Variants in EP400 observed in about 807,000 individuals in gnomAD.
EP400 encodes the protein E1A binding protein p400, also known as E1A-binding protein p400.
EP400 carries 105 observed loss-of-function variants against 354.1 expected under a neutral mutation model. The observed-to-expected ratio is 0.30, with a 90% CI of 0.25 to 0.35. The LOEUF (loss-of-function observed/expected upper bound fraction) is 0.35. Ranked by LOEUF, EP400 falls within the 10% of genes least tolerant of loss-of-function variation. The pLI is 1.00. For synonymous variants in EP400, 1,646 were observed against 1,716.9 expected, an observed-to-expected ratio of 0.96 and a Z score of 1.02; for missense variants, 3,280 against 4,121.0, an observed-to-expected ratio of 0.80 and a Z score of 5.59.
At chr12:131,956,981 C>T (rs1191643599) in intron 1 of EP400, among the ~76,000 whole-genome samples, 1 of 149,856 alleles carries the variant, frequency 6.7e-6, no homozygotes, top group Non-Finnish European at 1.5e-5. Flanking sequence ...AAGCAATTCT[C>T]CTGCCTCAGC....
rs149486536 is a variant in EP400, at chr12:132,017,162, C to T, written c.3924-373C>T. ...CCTGCAGGGCCAGTGTAGGACCAGG[C>T]GTCAGAGCTGCCGAGCGGGTGTGTG... On this transcript the variant is annotated intron_variant, in intron 19 of 52. Coordinates refer to ENST00000389561, the MANE Select transcript of EP400 (RefSeq NM_015409.5). The surrounding 1 kb of genome is among the most constrained non-coding windows in gnomAD (Gnocchi z 5.0). Among the ~76,000 whole-genome samples, 120 of 150,278 alleles carry T rather than the reference C, an allele frequency of 8.0e-4. 1 individual carries two copies. Among genetic ancestry groups the T allele is most frequent in the African/African-American group, 2.7e-3 (108 of 39,720 alleles).
chr12:131,967,411 G>A (rs1892138593), intron 2 of EP400, among the ~76,000 whole-genome samples: 1 of 151,002 alleles, frequency 6.6e-6, no homozygotes, highest in African/African-American at 2.4e-5. Context: ...AAAAAGGCTG[G>A]GCACAGTGGC....
rs1212177217 is a variant in EP400, at chr12:132,067,095, T to C, written c.8749+126T>C. 10 of 1,284,112 alleles carry C rather than the reference T, an allele frequency of 7.8e-6. No individual in the cohort carries two copies. Among genetic ancestry groups the C allele is most frequent in the Non-Finnish European group, 1.0e-5 (10 of 963,114 alleles). The allele number at this position is 1,284,112 out of a possible 1,614,324, so 79.5% of individuals were successfully genotyped here. A position where few individuals can be genotyped will look rare whatever the true frequency, so the allele number is the denominator to read the frequency against. On this transcript the variant is annotated intron_variant, in intron 49 of 52. Transcript: ENST00000389561. This position sits in a 1 kb window ranked among gnomAD's most constrained non-coding sequence, Gnocchi z 5.3. ...CCACCCACTTGAGCGTGCCATCACG[T>C]GTTCTAGCACAAACGTGCCTTGGCG...
intron 2 of EP400, among the ~76,000 whole-genome samples, chr12:131,979,493 C>T (rs892395108): frequency 3.3e-5 from 5 of 151,974 alleles, no homozygotes; most frequent in Admixed American, 2.0e-4. Flanking sequence ...GTCTTTTTTC[C>T]CCCAGAGGTA....
rs530107978 is a variant in EP400 at position 131,986,645 on chromosome 12, A to T, written c.2061A>T (p.Pro687=). ...GPGPSPARSS[P]VNRPSSATNK... ...GACCCTCCCCTGCTCGATCCTCTCCAGTAAATAGACCTTCCTCAGCCACCA... is the reference window on the plus strand; with the variant it reads ...GACCCTCCCCTGCTCGATCCTCTCCTGTAAATAGACCTTCCTCAGCCACCA... Residue 687 remains proline (P), a synonymous_variant, in exon 6 of 53, where the codon CCA becomes CCT. Coordinates refer to ENST00000389561, the MANE Select transcript of EP400 (RefSeq NM_015409.5). The T allele has an allele frequency of 3.1e-6, 5 of 1,613,902 alleles. No individual in the cohort carries two copies. In the South Asian group the frequency reaches 3.3e-5, roughly 11 times the overall value.
chr12:132,010,231 C>T (rs1188462586), intron 15 of EP400, among the ~76,000 whole-genome samples: 4 of 151,030 alleles, frequency 2.6e-5, no homozygotes, highest in African/African-American at 4.9e-5. Flanking sequence ...GGATTACAGG[C>T]ACACGCCACC....
At chr12:132,010,653 G>A (rs1893733964) in intron 15 of EP400, among the ~76,000 whole-genome samples, 1 of 152,190 alleles carries the variant, frequency 6.6e-6, no homozygotes, top group Non-Finnish European at 1.5e-5. Flanking sequence ...AAAAACCTTA[G>A]TTTTCTCGCC....
At position 132,025,771 on chromosome 12, in the gene EP400, G is replaced by A. The variant is rs1177242209; in HGVS notation, c.4981G>A (p.Gly1661Ser). 12 of 1,611,220 alleles carry A rather than the reference G, an allele frequency of 7.4e-6. No homozygotes were observed. The highest frequency in any genetic ancestry group is 1.7e-5 in the Admixed American group (1 of 59,714). ...CGCCCTGGGAAGCAAGCCCCCGGCC[G>A]GCGGTCCCAGCCCTGCACCCTTGAC... ...HGALGSKPPA[G>S]GPSPAPLTPQ... Residue 1661 changes from glycine to serine, a missense_variant, in exon 25 of 53, where the codon GGC becomes AGC. By Grantham distance (56) the Gly-to-Ser change is moderately conservative. This residue lies in a region of EP400 where 459 missense variants were observed against 496.9 expected (regional missense o/e 0.92). Coordinates refer to ENST00000389561, the MANE Select transcript of EP400 (RefSeq NM_015409.5). This position sits in a 1 kb window ranked among gnomAD's most constrained non-coding sequence, Gnocchi z 4.1.
intron 1 of EP400, among the ~76,000 whole-genome samples, chr12:131,955,289 G>A (rs1452071597): frequency 6.9e-6 from 1 of 145,954 alleles, no homozygotes; most frequent in African/African-American, 2.8e-5. Context: ...AAAAGTTTAT[G>A]CTTTTTTTTT....
Position 132,054,043 on chromosome 12 carries a change from C to T in EP400, c.7728+446C>T, listed in dbSNP as rs1408546295. ...GTCTTTAATGCCTGTTGTAGAAAAGCTGTAAAGCACACAAGAAGCATTGTG... is the reference window on the plus strand; with the variant it reads ...GTCTTTAATGCCTGTTGTAGAAAAGTTGTAAAGCACACAAGAAGCATTGTG... On this transcript the variant is annotated intron_variant, in intron 43 of 52. Coordinates refer to ENST00000389561, the MANE Select transcript of EP400 (RefSeq NM_015409.5). The surrounding 1 kb of genome is among the most constrained non-coding windows in gnomAD (Gnocchi z 4.0). Among the ~76,000 whole-genome samples the T allele has an allele frequency of 6.6e-6, 1 of 152,220 alleles. No individual in the cohort carries two copies. Among genetic ancestry groups the T allele is most frequent in the Non-Finnish European group, 1.5e-5 (1 of 68,042 alleles).
chr12:132,019,021 T>C (rs1894032889), intron 21 of EP400, among the ~76,000 whole-genome samples: 1 of 152,178 alleles, frequency 6.6e-6, no homozygotes, highest in Non-Finnish European at 1.5e-5. Flanking sequence ...CACTTCTGTA[T>C]TTGGCTTCAC....
At chr12:131,987,443 T>C (rs1327189842) in intron 6 of EP400, among the ~76,000 whole-genome samples, 1 of 152,164 alleles carries the variant, frequency 6.6e-6, no homozygotes, top group African/African-American at 2.4e-5. Flanking sequence ...TTAGTCTGTT[T>C]TATAGAGCTG....
chr12:132,044,316 C>T lies in EP400; in HGVS notation c.6585+5C>T, dbSNP rs939621471. On this transcript the variant is annotated splice_donor_5th_base_variant and intron_variant, in intron 35 of 52. Coordinates refer to ENST00000389561, the MANE Select transcript of EP400 (RefSeq NM_015409.5). ...CGAGAGGATGCCTACAGCATGGTAC[C>T]CGGCCCGGGGCCCTCCTGCCCTCTT... 3.0e-5 allele frequency: 49 copies of T among 1,611,494 alleles called. No individual in the cohort carries two copies. Among genetic ancestry groups the T allele is most frequent in the Non-Finnish European group, 3.8e-5 (45 of 1,178,540 alleles).
Position 131,961,682 on chromosome 12 carries a change from C to G in EP400, c.1063C>G (p.Pro355Ala). ...KKVPKKLEEI[P>A]PASPEMAQMR... ...GGTTCCCAAGAAGTTAGAGGAGATTCCCCCAGCCTCTCCGGAGATGGCACA... is the reference window on the plus strand; with the variant it reads ...GGTTCCCAAGAAGTTAGAGGAGATTGCCCCAGCCTCTCCGGAGATGGCACA... Residue 355 changes from proline to alanine, a missense_variant, in exon 2 of 53, where the codon CCC becomes GCC. By Grantham distance (27) the Pro-to-Ala change is conservative. Around this residue, in one of 20 missense-constraint regions of EP400, gnomAD observed 85 missense variants for 180.3 expected, o/e 0.47. Transcript: ENST00000389561. 6.2e-7 allele frequency: 1 copy of G among 1,613,496 alleles called. No individual in the cohort carries two copies. Among genetic ancestry groups the G allele is most frequent in the Non-Finnish European group, 8.5e-7 (1 of 1,179,686 alleles).
chr12:131,957,859 G>A (rs949392559), intron 1 of EP400, among the ~76,000 whole-genome samples: 1 of 152,164 alleles, frequency 6.6e-6, no homozygotes, highest in African/African-American at 2.4e-5. Context: ...GCCTCCCAAA[G>A]TGCTGGGATT....
rs1894401178 is a variant in EP400 at position 132,029,160 on chromosome 12, C to T, written c.5382-541C>T. ...GGTGACCATTCGTTCAGTTTGAATA[C>T]AGCTGGGAGTGAGTCATAGTTGATG... is the stretch of plus-strand genomic sequence containing the variant. On this transcript the variant is annotated intron_variant, in intron 27 of 52. Transcript: ENST00000389561. This position sits in a 1 kb window ranked among gnomAD's most constrained non-coding sequence, Gnocchi z 4.7. 1 of 156,466 alleles carries T rather than the reference C, an allele frequency of 6.4e-6. No homozygotes were observed. Among genetic ancestry groups the T allele is most frequent in the Non-Finnish European group, 1.4e-5 (1 of 70,804 alleles). 9.7% of individuals were successfully genotyped at this position (156,466 alleles called of 1,614,324 possible). A position where few individuals can be genotyped will look rare whatever the true frequency, so the allele number is the denominator to read the frequency against.
Position 132,077,847 on chromosome 12 carries a change from T to G in EP400, c.*174T>G. 1 of 869,948 alleles carries G rather than the reference T, an allele frequency of 1.1e-6. No individual in the cohort carries two copies. Among genetic ancestry groups the G allele is most frequent in the Non-Finnish European group, 1.7e-6 (1 of 586,490 alleles). 53.9% of individuals were successfully genotyped at this position (869,948 alleles called of 1,614,324 possible). A position where few individuals can be genotyped will look rare whatever the true frequency, so the allele number is the denominator to read the frequency against. ...AATGCATCCCACACTGCAGGACAAA[T>G]GGTCCTTATGGAGTGCCGCGTTCTC... is the stretch of plus-strand genomic sequence containing the variant. On this transcript the variant is annotated 3_prime_UTR_variant, in exon 53 of 53. Transcript: ENST00000389561.
intron 2 of EP400, among the ~76,000 whole-genome samples, chr12:131,978,558 C>G (rs995033935): frequency 3.3e-5 from 5 of 152,038 alleles, no homozygotes; most frequent in African/African-American, 1.2e-4. Flanking sequence ...CTTTGTTGCC[C>G]AGGCTGGAAT....
intron 21 of EP400, among the ~76,000 whole-genome samples, chr12:132,019,522 T>C (rs1894054232): frequency 6.6e-6 from 1 of 151,786 alleles, no homozygotes; most frequent in Non-Finnish European, 1.5e-5. Context: ...TGGGCAACAT[T>C]GGGAGACCCT....
Sources: allele counts gnomAD v4.1 joint callset (sites outside exome capture counted in the v4.1 genomes callset), GRCh38; gene constraint gnomAD v4.1.1; regional missense constraint gnomAD v4.1.1; non-coding constraint Gnocchi (gnomAD v3.1); transcripts MANE v1.5; gene names NCBI Gene and HGNC (gene_info 2026-07-23, HGNC 2026-07-21).